The following COL23A1 variants were observed in gnomAD, a reference collection of about 807,000 sequenced individuals.
COL23A1 encodes the protein collagen alpha-1(XXIII) chain.
Under a neutral mutation model 99.3 loss-of-function variants are expected in COL23A1, and 97 were observed. That is an observed-to-expected ratio of 0.98 (90% CI 0.83 to 1.16). The LOEUF (loss-of-function observed/expected upper bound fraction) is 1.16. Ranked by LOEUF, COL23A1 falls within the 50% of genes most tolerant of loss-of-function variation. The pLI is 0.00. For missense variants in COL23A1, 762 were observed against 757.4 expected, an observed-to-expected ratio of 1.01 and a Z score of -0.07; for synonymous variants, 320 against 308.2, an observed-to-expected ratio of 1.04 and a Z score of -0.40.
intron 2 of COL23A1, chr5:178,438,650 T>A (rs1398664258): frequency 1.3e-5 from 2 of 152,202 alleles, no homozygotes; most frequent in African/African-American, 4.8e-5. Flanking sequence ...CAGTGGAATC[T>A]GGTTTTATTT....
At chr5:178,514,898 T>C (rs1333988510) in intron 2 of COL23A1, among the ~76,000 whole-genome samples, 1 of 152,212 alleles carries the variant, frequency 6.6e-6, no homozygotes, top group Admixed American at 6.5e-5. Context: ...AGAGCTTGTC[T>C]TAAAATTCAG....
intron 16 of COL23A1, among the ~76,000 whole-genome samples, 177 bp downstream of exon 16, chr5:178,254,772 C>T (rs533874865): frequency 1.2e-4 from 19 of 152,290 alleles, no homozygotes; most frequent in African/African-American, 2.9e-4. Context: ...CTCTCTGAGG[C>T]GGGTCTCAAC....
intron 2 of COL23A1, among the ~76,000 whole-genome samples, chr5:178,386,845 CCTT>C (rs1763703825): frequency 6.6e-6 from 1 of 152,188 alleles, no homozygotes. Context: ...GGGGAGGTGA[CCTT>C]CTTTTGCCCT....
At chr5:178,252,425 C>T (rs771833237) in intron 17 of COL23A1, 119 bp downstream of exon 17, 61 of 923,486 alleles carry the variant, frequency 6.6e-5, no homozygotes, top group Non-Finnish European at 8.1e-5. Context: ...TCTGAGCTCC[C>T]GGAAGCCAGG....
chr5:178,247,248 G>C (rs996932942), intron 22 of COL23A1, among the ~76,000 whole-genome samples: 5 of 152,290 alleles, frequency 3.3e-5, no homozygotes, highest in Non-Finnish European at 7.4e-5. Context: ...ACAAGCAGTG[G>C]AAACGGTGGT....
chr5:178,360,930 G>C (rs773153671), intron 2 of COL23A1, among the ~76,000 whole-genome samples: 1 of 152,178 alleles, frequency 6.6e-6, no homozygotes, highest in Non-Finnish European at 1.5e-5. Context: ...AGGCCAACAC[G>C]ACGCTGAAGA....
rs535660370 is a variant in COL23A1 at position 178,360,738 on chromosome 5, T to G, written c.362-53819A>C. Among the ~76,000 whole-genome samples the G allele has an allele frequency of 1.1e-3, 174 of 152,286 alleles. 2 individuals are homozygous for G. The highest frequency in any genetic ancestry group is 4.1e-3 in the African/African-American group (169 of 41,542). ...CTGGTCATGGAGTGTTCAGGAGGTGTTGTCCTCATCCCACACGGAGCAGGT... is the reference window on the plus strand; with the variant it reads ...CTGGTCATGGAGTGTTCAGGAGGTGGTGTCCTCATCCCACACGGAGCAGGT... On this transcript the variant is annotated intron_variant, in intron 2 of 28. Coordinates refer to ENST00000390654, the MANE Select transcript of COL23A1 (RefSeq NM_173465.4).
intron 2 of COL23A1, among the ~76,000 whole-genome samples, chr5:178,460,204 AC>A (rs535577800): frequency 7.6e-4 from 116 of 152,220 alleles, no homozygotes; most frequent in African/African-American, 2.1e-3. Flanking sequence ...GCCATGCAGA[AC>A]CCCCAGATTT....
In COL23A1 at chr5:178,570,020, G is replaced by C. The variant is rs559608851; in HGVS notation, c.295-9272C>G. On this transcript the variant is annotated intron_variant, in intron 1 of 28. Transcript: ENST00000390654. ...TCTCCATACTGGAGAGGAGGGAATT[G>C]TATAAAGCATGTTCCCTAGGGAGCG... 3.2e-4 allele frequency among the ~76,000 whole-genome samples: 48 copies of C among 152,064 alleles called. 1 individual carries two copies. Among genetic ancestry groups the C allele is most frequent in the African/African-American group, 1.2e-3 (48 of 41,472 alleles).
intron 2 of COL23A1, among the ~76,000 whole-genome samples, chr5:178,547,569 A>G (rs1326795636): frequency 4.6e-5 from 2 of 43,130 alleles, no homozygotes; most frequent in Non-Finnish European, 8.2e-5. Context: ...ACACCCCCAC[A>G]CACACCTACA....
At chr5:178,249,566 C>T (rs1037481894) in intron 18 of COL23A1, among the ~76,000 whole-genome samples, 6 of 152,176 alleles carry the variant, frequency 3.9e-5, no homozygotes, top group Non-Finnish European at 8.8e-5. Flanking sequence ...CCACCGAATC[C>T]CTCCATTCAA....
At chr5:178,476,626 C>T (rs1298565565) in intron 2 of COL23A1, among the ~76,000 whole-genome samples, 1 of 152,220 alleles carries the variant, frequency 6.6e-6, no homozygotes, top group South Asian at 2.1e-4. Context: ...TTCTGCCTGC[C>T]GTGCTCCTCT....
chr5:178,379,460 G>A (rs1230237790), intron 2 of COL23A1, among the ~76,000 whole-genome samples: 4 of 152,204 alleles, frequency 2.6e-5, no homozygotes, highest in Non-Finnish European at 5.9e-5. Flanking sequence ...GAGGGGTCTT[G>A]CAGGGATGAA....
At position 178,281,553 on chromosome 5, in the gene COL23A1, G is replaced by A. The variant is rs1335086051; in HGVS notation, c.441+6771C>T. 3.3e-5 allele frequency among the ~76,000 whole-genome samples: 5 copies of A among 152,116 alleles called. No homozygotes were observed. The highest frequency in any genetic ancestry group is 5.9e-5 in the Non-Finnish European group (4 of 68,032). The stretch of plus-strand genomic sequence containing the variant: ...GGCGCTCCGGGGCCCAGGAGGTGCC[G>A]TGCGTGTGGTTTTGGGTGTGCTCAG... On this transcript the variant is annotated intron_variant, in intron 5 of 28. Transcript: ENST00000390654. This position sits in a 1 kb window ranked among gnomAD's most constrained non-coding sequence, Gnocchi z 4.0.
intron 1 of COL23A1, among the ~76,000 whole-genome samples, chr5:178,563,526 C>CTTTTTTT (rs779487808): frequency 4.8e-5 from 4 of 83,226 alleles, no homozygotes; most frequent in African/African-American, 5.1e-5. Context: ...TCAGAACTCA[C>CTTTTTTT]TTTTTTTTTT....
intron 1 of COL23A1, among the ~76,000 whole-genome samples, chr5:178,575,880 C>T (rs981785954): frequency 6.6e-6 from 1 of 152,238 alleles, no homozygotes; most frequent in Non-Finnish European, 1.5e-5. Flanking sequence ...CTCAGAGAAA[C>T]TCACATACAC....
At chr5:178,377,400 G>A (rs751098281) in intron 2 of COL23A1, among the ~76,000 whole-genome samples, 22 of 152,222 alleles carry the variant, frequency 1.4e-4, no homozygotes, top group Admixed American at 3.3e-4. Flanking sequence ...TCCAGGGGCC[G>A]GGGCCACCCC....
chr5:178,457,045 G>A (rs966286019), intron 2 of COL23A1, among the ~76,000 whole-genome samples: 3 of 152,118 alleles, frequency 2.0e-5, no homozygotes, highest in African/African-American at 7.2e-5. Context: ...ATGGTGCAGG[G>A]ATACAGGCCC....
Position 178,384,497 on chromosome 5 carries a change from C to T in COL23A1, c.362-77578G>A, listed in dbSNP as rs1481301935. ...CTCGGCTTTTTGGAGGCCACGTGGACGGCGCTGAGTGCATCCCTCTCCAGC... is the reference window on the plus strand; with the variant it reads ...CTCGGCTTTTTGGAGGCCACGTGGATGGCGCTGAGTGCATCCCTCTCCAGC... On this transcript the variant is annotated intron_variant, in intron 2 of 28. Coordinates refer to ENST00000390654, the MANE Select transcript of COL23A1 (RefSeq NM_173465.4). This position sits in a 1 kb window ranked among gnomAD's most constrained non-coding sequence, Gnocchi z 5.5. 4.6e-5 allele frequency among the ~76,000 whole-genome samples: 7 copies of T among 152,142 alleles called. No individual in the cohort carries two copies. The highest frequency in any genetic ancestry group is 3.9e-4 in the East Asian group (2 of 5,172).
Sources: gnomAD v4.1 joint callset for allele counts (sites outside exome capture counted in the v4.1 genomes callset) on GRCh38, gnomAD v4.1.1 for gene constraint, Gnocchi (gnomAD v3.1) non-coding constraint, MANE v1.5 for transcripts, NCBI Gene and HGNC (gene_info 2026-07-23, HGNC 2026-07-21) for gene names.